The following ZFYVE9 variants were observed in gnomAD, a reference collection of about 807,000 sequenced individuals.
ZFYVE9 encodes zinc finger FYVE domain-containing protein 9.
A neutral mutation model predicts 126.7 loss-of-function variants in ZFYVE9; 43 were observed. The observed-to-expected ratio is 0.34, with a 90% CI of 0.27 to 0.44. ZFYVE9 has a LOEUF of 0.44. ZFYVE9 is among the 20% of genes least tolerant of loss of function. The pLI is 1.00. For missense variants in ZFYVE9, 1,476 were observed against 1,697.0 expected (o/e 0.87, Z 2.29); for synonymous variants, 521 against 597.4 (o/e 0.87, Z 1.87).
chr1:52,212,941 G>C (rs564337091), intron 1 of ZFYVE9, among the ~76,000 whole-genome samples: 1 of 152,262 alleles, frequency 6.6e-6, no homozygotes, highest in East Asian at 1.9e-4. Flanking sequence ...GAAATTCTTT[G>C]TTTTCCTCTC....
chr1:52,207,879 C>G (rs377229140), intron 1 of ZFYVE9, among the ~76,000 whole-genome samples: 62 of 152,312 alleles, frequency 4.1e-4, no homozygotes, highest in African/African-American at 1.4e-3. Flanking sequence ...ATTTATTGAG[C>G]AGTTACATAT....
intron 17 of ZFYVE9, among the ~76,000 whole-genome samples, chr1:52,341,905 T>C (rs1247667763): frequency 1.3e-5 from 2 of 152,252 alleles, no homozygotes; most frequent in Admixed American, 6.5e-5. Flanking sequence ...GTCTGGAACG[T>C]GTAAAACACT....
intron 2 of ZFYVE9, among the ~76,000 whole-genome samples, chr1:52,228,893 C>CT (rs11438635): frequency 0.018 from 2,608 of 142,420 alleles, 66 homozygotes; most frequent in African/African-American, 0.06. Flanking sequence ...ATCTTTTTTC[C>CT]TTTTTTTTTT....
chr1:52,336,411 C>G (rs1235334272), intron 15 of ZFYVE9, among the ~76,000 whole-genome samples: 1 of 126,456 alleles, frequency 7.9e-6, no homozygotes, highest in Non-Finnish European at 1.6e-5. Context: ...GTAGCCCAGG[C>G]TGGAGTACAG....
chr1:52,288,211 A>G (rs1168782578), intron 10 of ZFYVE9, among the ~76,000 whole-genome samples: 4 of 152,234 alleles, frequency 2.6e-5, no homozygotes, highest in South Asian at 2.1e-4. Context: ...CAGTTAGGTG[A>G]TAAGTGGCTG....
At position 52,249,434 on chromosome 1, in the gene ZFYVE9, A is replaced by G. The variant is rs115038755; in HGVS notation, c.2178+9839A>G. Among the ~76,000 whole-genome samples the G allele has an allele frequency of 2.2e-3, 341 of 152,266 alleles. 5 individuals are homozygous for G. Among genetic ancestry groups the G allele is most frequent in the African/African-American group, 8.0e-3 (334 of 41,572 alleles). ...TTTTCATGTACTTACTGGTCTCTAT[A>G]TTAAAAATCTTTGGAGAAATGTCTA... On this transcript the variant is annotated intron_variant, in intron 4 of 18. Coordinates refer to ENST00000287727, the MANE Select transcript of ZFYVE9 (RefSeq NM_004799.4).
In ZFYVE9 at chr1:52,204,082, C is replaced by CTT. The variant is rs769536877; in HGVS notation, c.-142-12274_-142-12273dup. On this transcript the variant is annotated intron_variant, in intron 1 of 18. Coordinates refer to ENST00000287727, the MANE Select transcript of ZFYVE9 (RefSeq NM_004799.4). ...CTGATGTTTGCTCTTTCTCCTCAAA[C>CTT]TTTTTTTTTTTTTTAACCTTATGCC... 2.5e-3 allele frequency among the ~76,000 whole-genome samples: 354 copies of CTT among 143,870 alleles called. 1 individual carries two copies. Among genetic ancestry groups the CTT allele is most frequent in the African/African-American group, 8.5e-3 (335 of 39,288 alleles). 94.4% of individuals were successfully genotyped at this position (143,870 alleles called of 152,430 possible). A position where few individuals can be genotyped will look rare whatever the true frequency, so the allele number is the denominator to read the frequency against.
At chr1:52,168,109 T>G (rs1557434229) in intron 1 of ZFYVE9, among the ~76,000 whole-genome samples, 1 of 152,144 alleles carries the variant, frequency 6.6e-6, no homozygotes, top group Non-Finnish European at 1.5e-5. Flanking sequence ...TACTTCTTAT[T>G]TAAGAAAACT....
chr1:52,216,645 G>C lies in ZFYVE9; in HGVS notation c.-37+171G>C, dbSNP rs991208125. On this transcript the variant is annotated intron_variant, in intron 2 of 18. Coordinates refer to ENST00000287727, the MANE Select transcript of ZFYVE9 (RefSeq NM_004799.4). ...ATTTGACTTAAATTCAGAGGAAAAG[G>C]GTATTTAAAAATCACTGTTATTTTG... is the stretch of plus-strand genomic sequence containing the variant. 4.6e-5 allele frequency among the ~76,000 whole-genome samples: 7 copies of C among 152,036 alleles called. No homozygotes were observed. The East Asian group carries it at 7.7e-4, about 17-fold the overall frequency.
intron 16 of ZFYVE9, among the ~76,000 whole-genome samples, chr1:52,338,688 T>C (rs1390097057): frequency 1.3e-5 from 2 of 152,234 alleles, no homozygotes; most frequent in African/African-American, 2.4e-5. Flanking sequence ...ATGCCTGATA[T>C]GGAAGTTTAA....
At chr1:52,214,653 C>G (rs1183127319) in intron 1 of ZFYVE9, among the ~76,000 whole-genome samples, 1 of 151,788 alleles carries the variant, frequency 6.6e-6, no homozygotes, top group Non-Finnish European at 1.5e-5. Flanking sequence ...GAAACAGAAC[C>G]AATAGTATAT....
intron 2 of ZFYVE9, among the ~76,000 whole-genome samples, chr1:52,220,611 C>T (rs965553759): frequency 1.3e-5 from 2 of 152,190 alleles, no homozygotes; most frequent in Non-Finnish European, 2.9e-5. Flanking sequence ...GTACTCTATA[C>T]ACCCATAGAC....
intron 1 of ZFYVE9, among the ~76,000 whole-genome samples, chr1:52,184,372 G>A (rs1303396608): frequency 4.1e-5 from 6 of 146,824 alleles, no homozygotes; most frequent in Non-Finnish European, 9.0e-5. Context: ...GAGTACAGGC[G>A]CCTGCCACCA....
At chr1:52,246,507 A>T (rs1454666620) in intron 4 of ZFYVE9, among the ~76,000 whole-genome samples, 1 of 149,078 alleles carries the variant, frequency 6.7e-6, no homozygotes, top group Non-Finnish European at 1.5e-5. Flanking sequence ...TTTCTTAAGG[A>T]TTTTTTTTAT....
intron 13 of ZFYVE9, among the ~76,000 whole-genome samples, chr1:52,314,293 A>G (rs991188163): frequency 3.3e-5 from 5 of 152,206 alleles, no homozygotes; most frequent in South Asian, 2.1e-4. Flanking sequence ...TCTCATGAAA[A>G]CAATGCAAGT....
intron 13 of ZFYVE9, among the ~76,000 whole-genome samples, chr1:52,314,537 G>A (rs983009001): frequency 2.6e-5 from 4 of 152,190 alleles, no homozygotes; most frequent in Non-Finnish European, 4.4e-5. Flanking sequence ...ACAAAAGTAC[G>A]CCAGGTGCTG....
intron 14 of ZFYVE9, among the ~76,000 whole-genome samples, chr1:52,333,791 T>TAA (rs547487941): frequency 4.1e-5 from 5 of 122,998 alleles, no homozygotes; most frequent in African/African-American, 3.0e-5. Flanking sequence ...CCCTGTCTCT[T>TAA]AAAAAAAAAA....
intron 13 of ZFYVE9, among the ~76,000 whole-genome samples, chr1:52,310,358 C>T (rs976785729): frequency 3.9e-5 from 6 of 152,098 alleles, no homozygotes; most frequent in African/African-American, 1.4e-4. Flanking sequence ...TGTATCTTTA[C>T]ACTAACTCTA....
intron 1 of ZFYVE9, among the ~76,000 whole-genome samples, chr1:52,201,505 T>G (rs955211675): frequency 6.6e-6 from 1 of 151,152 alleles, no homozygotes; most frequent in Non-Finnish European, 1.5e-5. Flanking sequence ...GCCTCCCAAG[T>G]AGCTGGGATT....
Sources: allele counts gnomAD v4.1 joint callset (sites outside exome capture counted in the v4.1 genomes callset), GRCh38; gene constraint gnomAD v4.1.1; transcripts MANE v1.5; gene names NCBI Gene and HGNC (gene_info 2026-07-23, HGNC 2026-07-21).